SFSWAP: variants seen among roughly 807,000 people sequenced by gnomAD.
SFSWAP encodes the protein splicing factor SWAP.
Under a neutral mutation model 100.7 loss-of-function variants are expected in SFSWAP, and 17 were observed. The ratio of observed to expected loss-of-function variants is 0.17; its 90% CI spans 0.12 to 0.25. The LOEUF is 0.25. Among genes scored for constraint, SFSWAP ranks in the 10% least tolerant of loss-of-function variants. The probability of loss-of-function intolerance (pLI) is 1.00; values close to 1 mark genes in which losing one functional copy is unlikely to be tolerated. For missense variants in SFSWAP, 1,005 were observed against 1,262.6 expected (o/e 0.80, Z 3.09); for synonymous variants, 504 against 510.1 (o/e 0.99, Z 0.16).
intron 16 of SFSWAP, among the ~76,000 whole-genome samples, chr12:131,797,854 C>A (rs1313154230): frequency 1.3e-5 from 2 of 152,248 alleles, no homozygotes; most frequent in Non-Finnish European, 2.9e-5. Flanking sequence ...AAGTCAGACA[C>A]CCTCCGCTGC....
At chr12:131,797,435 G>A in intron 16 of SFSWAP, 75 bp downstream of exon 16, 1 of 1,341,974 alleles carries the variant, frequency 7.5e-7, no homozygotes, top group Non-Finnish European at 1.0e-6. Flanking sequence ...TCCTCCCTGA[G>A]TCCTTGCCTA....
intron 4 of SFSWAP, among the ~76,000 whole-genome samples, chr12:131,723,784 A>G (rs1878703550): frequency 6.6e-6 from 1 of 152,196 alleles, no homozygotes; most frequent in Non-Finnish European, 1.5e-5. Flanking sequence ...TGGAGCTTAA[A>G]TTCACATTAA....
chr12:131,793,985 G>A (rs10902450), intron 15 of SFSWAP, among the ~76,000 whole-genome samples: 60,738 of 152,006 alleles, frequency 0.4, 13,139 homozygotes, highest in Non-Finnish European at 0.49. Flanking sequence ...TTCTTGTGAC[G>A]TTAAGTACAC....
At position 131,711,986 on chromosome 12, in the gene SFSWAP, G is replaced by A. The variant is rs1364582259; in HGVS notation, c.218+539G>A. On this transcript the variant is annotated intron_variant, in intron 1 of 17. Coordinates refer to ENST00000261674, the MANE Select transcript of SFSWAP (RefSeq NM_004592.4). This position sits in a 1 kb window ranked among gnomAD's most constrained non-coding sequence, Gnocchi z 4.9. Reference sequence around the variant, plus strand: ...ACCTGTTATGCCCCCAGAGCCCTCAGTGGAGCGCCCGTACTTTGCCGGCAT... The same window carrying A: ...ACCTGTTATGCCCCCAGAGCCCTCAATGGAGCGCCCGTACTTTGCCGGCAT... The A allele has an allele frequency of 6.5e-6, 1 of 152,772 alleles. No homozygotes were observed. Among genetic ancestry groups the A allele is most frequent in the Admixed American group, 6.5e-5 (1 of 15,348 alleles). The allele number at this position is 152,772 out of a possible 1,614,324, so 9.5% of individuals were successfully genotyped here. A position where few individuals can be genotyped will look rare whatever the true frequency, so the allele number is the denominator to read the frequency against.
intron 14 of SFSWAP, among the ~76,000 whole-genome samples, chr12:131,779,748 A>C (rs1451520467): frequency 1.3e-5 from 2 of 152,218 alleles, no homozygotes; most frequent in Non-Finnish European, 2.9e-5. Context: ...TATATCCTAA[A>C]AACAATATGC....
intron 13 of SFSWAP, among the ~76,000 whole-genome samples, chr12:131,769,990 G>A (rs2136243902): frequency 6.6e-6 from 1 of 152,328 alleles, no homozygotes; most frequent in East Asian, 1.9e-4. Flanking sequence ...TGTGTATGCA[G>A]ATTACAGCTA....
intron 13 of SFSWAP, among the ~76,000 whole-genome samples, chr12:131,770,181 T>C (rs1260891856): frequency 6.6e-6 from 1 of 152,246 alleles, no homozygotes; most frequent in African/African-American, 2.4e-5. Flanking sequence ...TACTAAGTAT[T>C]CTAGCATCTG....
intron 7 of SFSWAP, among the ~76,000 whole-genome samples, chr12:131,740,273 GCAGGGAACGA>G (rs1398691422): frequency 6.6e-6 from 1 of 152,134 alleles, no homozygotes; most frequent in Non-Finnish European, 1.5e-5. Context: ...ATAGCAATTT[GCAGGGAACGA>G]TGCACCGAGT....
chr12:131,786,065 C>T (rs1884867544), intron 14 of SFSWAP: 2 of 171,400 alleles, frequency 1.2e-5, no homozygotes, highest in South Asian at 3.5e-4. Flanking sequence ...ATAAAATGGG[C>T]AGAGGCAGGA....
Position 131,799,012 on chromosome 12 carries a change from T to C in SFSWAP, c.2718-25T>C, listed in dbSNP as rs1305787153. On this transcript the variant is annotated intron_variant, in intron 16 of 17. Transcript: ENST00000261674. Reference sequence around the variant, plus strand: ...TCAGCATCTTCACACGGTTGTAAGCTCTGCTCTCTCTCTCTCTGCATTAGG... The same window carrying C: ...TCAGCATCTTCACACGGTTGTAAGCCCTGCTCTCTCTCTCTCTGCATTAGG... The C allele has an allele frequency of 9.6e-6, 15 of 1,563,260 alleles. No homozygotes were observed. In the Admixed American group the frequency reaches 1.2e-4, roughly 12 times the overall value.
chr12:131,737,639 G>T (rs1880161810), intron 7 of SFSWAP, among the ~76,000 whole-genome samples: 1 of 152,240 alleles, frequency 6.6e-6, no homozygotes, highest in East Asian at 1.9e-4. Flanking sequence ...GTGGGAGGCT[G>T]CTGGGTCACT....
chr12:131,762,091 G>A (rs1475882772), intron 11 of SFSWAP, among the ~76,000 whole-genome samples: 2 of 152,124 alleles, frequency 1.3e-5, no homozygotes, highest in Admixed American at 6.6e-5. Context: ...AAATTAGCTG[G>A]GCATGGTGGC....
chr12:131,731,438 G>C (rs1879503935), intron 7 of SFSWAP, among the ~76,000 whole-genome samples: 1 of 152,190 alleles, frequency 6.6e-6, no homozygotes, highest in South Asian at 2.1e-4. Context: ...TTCACTTCCT[G>C]GGTTTTCAGT....
intron 13 of SFSWAP, among the ~76,000 whole-genome samples, chr12:131,772,135 A>G (rs1366563203): frequency 6.6e-6 from 1 of 152,174 alleles, no homozygotes; most frequent in Non-Finnish European, 1.5e-5. Context: ...CTGACCTGCC[A>G]TACTTGGAAT....
chr12:131,716,750 A>G (rs974501550), intron 3 of SFSWAP, among the ~76,000 whole-genome samples: 1 of 152,250 alleles, frequency 6.6e-6, no homozygotes, highest in Non-Finnish European at 1.5e-5. Flanking sequence ...CCACAAAACC[A>G]GAAATATTTA....
At chr12:131,755,623 C>A in intron 10 of SFSWAP, 144 bp downstream of exon 10, 1 of 622,558 alleles carries the variant, frequency 1.6e-6, no homozygotes. Flanking sequence ...TGGCATACTC[C>A]ATCTTTCACG....
At chr12:131,726,154 A>G (rs942952947) in intron 5 of SFSWAP, among the ~76,000 whole-genome samples, 5 of 149,486 alleles carry the variant, frequency 3.3e-5, no homozygotes, top group Admixed American at 6.7e-5. Flanking sequence ...TGACAAGTCT[A>G]TTCATATATA....
intron 17 of SFSWAP, 122 bp downstream of exon 17, chr12:131,799,231 A>G (rs1885896862): frequency 4.9e-6 from 5 of 1,029,276 alleles, no homozygotes; most frequent in African/African-American, 3.2e-5. Context: ...TCTCGGGCAA[A>G]ATACCACAGG....
In SFSWAP at chr12:131,726,971, T is replaced by G. The variant is rs1879036640; in HGVS notation, c.864T>G (p.Asp288Glu). The G allele has an allele frequency of 1.2e-6, 2 of 1,606,030 alleles. No homozygotes were observed. The highest frequency in any genetic ancestry group is 1.7e-6 in the Non-Finnish European group (2 of 1,175,068). Residue 288 changes from aspartate (D) to glutamate (E), a missense_variant, in exon 6 of 18, where the codon GAT becomes GAG. Coordinates refer to ENST00000261674, the MANE Select transcript of SFSWAP (RefSeq NM_004592.4). ...GAGTCAGCTCTGACAATGAAGATGA[T>G]GATGATGAAGAAGATGGGAATTACC... ...KSGVSSDNED[D>E]DDEEDGNYLH...
Sources: gnomAD v4.1 joint callset for allele counts (sites outside exome capture counted in the v4.1 genomes callset) on GRCh38, gnomAD v4.1.1 for gene constraint, Gnocchi (gnomAD v3.1) non-coding constraint, MANE v1.5 for transcripts, NCBI Gene and HGNC (gene_info 2026-07-23, HGNC 2026-07-21) for gene names.